Variants in KDM7A observed in about 807,000 individuals in gnomAD.
KDM7A encodes the protein lysine demethylase 7A.
Under a neutral mutation model 114.8 loss-of-function variants are expected in KDM7A, and 28 were observed. That is an observed-to-expected ratio of 0.24 (90% confidence interval 0.18 to 0.33). KDM7A has a LOEUF of 0.33. KDM7A is among the 10% of genes least tolerant of loss of function. KDM7A has a pLI of 1.00. For missense variants in KDM7A, 942 were observed against 1,142.5 expected (o/e 0.82, Z 2.53); for synonymous variants, 423 against 397.8 (o/e 1.06, Z -0.75).
chr7:140,104,752 C>T (rs1818298434), intron 11 of KDM7A, among the ~76,000 whole-genome samples: 1 of 152,142 alleles, frequency 6.6e-6, no homozygotes, highest in Admixed American at 6.5e-5. Flanking sequence ...GTTCTTTTTG[C>T]TTAGGATTGT....
At chr7:140,132,304 T>C (rs779756301) in intron 3 of KDM7A, among the ~76,000 whole-genome samples, 8 of 152,190 alleles carry the variant, frequency 5.3e-5, no homozygotes, top group Non-Finnish European at 8.8e-5. Context: ...CTATAACCCG[T>C]TCTCATTTGT....
At chr7:140,150,091 A>C (rs776389692) in intron 1 of KDM7A, among the ~76,000 whole-genome samples, 7 of 152,236 alleles carry the variant, frequency 4.6e-5, no homozygotes, top group Non-Finnish European at 8.8e-5. Context: ...ACCTCCCTTA[A>C]CACTAAGGAA....
intron 3 of KDM7A, among the ~76,000 whole-genome samples, chr7:140,130,802 T>C (rs1248471058): frequency 6.6e-6 from 1 of 151,654 alleles, no homozygotes; most frequent in East Asian, 1.9e-4. Flanking sequence ...AATGCTCCCA[T>C]TGACAACTAC....
chr7:140,161,734 C>T lies in KDM7A; in HGVS notation c.194+15010G>A, dbSNP rs376544472. Among the ~76,000 whole-genome samples the T allele has an allele frequency of 4.6e-5, 7 of 151,686 alleles. No individual in the cohort carries two copies. The South Asian group carries it at 6.3e-4, about 14-fold the overall frequency. On this transcript the variant is annotated intron_variant, in intron 1 of 19. Transcript: ENST00000397560. Reference sequence around the variant, plus strand: ...TAATTTTTTGTATTTTTAGTAGAGACGGGGTTTCACCGTGTTGGCCAGGAT... The same window carrying T: ...TAATTTTTTGTATTTTTAGTAGAGATGGGGTTTCACCGTGTTGGCCAGGAT...
intron 10 of KDM7A, among the ~76,000 whole-genome samples, chr7:140,112,447 TA>T (rs1319427369): frequency 6.6e-6 from 1 of 152,050 alleles, no homozygotes; most frequent in African/African-American, 2.4e-5. Context: ...TCATTTCTAC[TA>T]AAACATACAA....
intron 11 of KDM7A, among the ~76,000 whole-genome samples, chr7:140,104,392 C>T (rs1438757950): frequency 1.3e-5 from 2 of 152,152 alleles, no homozygotes; most frequent in Non-Finnish European, 2.9e-5. Context: ...ATGCCTATGT[C>T]CTGAATGGTA....
Position 140,094,123 on chromosome 7 carries a change from G to T in KDM7A, c.2390C>A (p.Thr797Asn). The T allele has an allele frequency of 6.3e-7, 1 of 1,590,364 alleles. No individual in the cohort carries two copies. Among genetic ancestry groups the T allele is most frequent in the East Asian group, 2.2e-5 (1 of 44,736 alleles). Residue 797 changes from threonine (T) to asparagine (N), a missense_variant, in exon 18 of 20, where the codon ACT (threonine) becomes AAT (asparagine). Thr to Asn is a moderately conservative substitution (Grantham distance 65). Around this residue, in one of 4 missense-constraint regions of KDM7A, gnomAD observed 512 missense variants for 576.6 expected, o/e 0.89. Transcript: ENST00000397560. ...GGAAGTCCTCAAGTCTGGATCTTCA[G>T]TCTTGACATGGTATCCTAAAGAGAA... ...KPVECGYHVK[T>N]EDPDLRTSSW...
Position 140,129,572 on chromosome 7 carries a change from A to G in KDM7A, c.480T>C (p.Ile160=), listed in dbSNP as rs756830375. ...YLEKHGFDVP[I]MVPKLDDLGL... ...CTAGATCATCTAATTTTGGGACCAT[A>G]ATAGGGACATCAAATCCATGTTTCT... The change falls in exon 4 of 20, where the codon ATT becomes ATC. Residue 160 remains isoleucine, a synonymous_variant. Coordinates refer to ENST00000397560, the MANE Select transcript of KDM7A (RefSeq NM_030647.2). 6.2e-7 allele frequency: 1 copy of G among 1,611,550 alleles called. No individual in the cohort carries two copies. Among genetic ancestry groups the G allele is most frequent in the Non-Finnish European group, 8.5e-7 (1 of 1,177,740 alleles).
intron 4 of KDM7A, among the ~76,000 whole-genome samples, chr7:140,129,006 G>A (rs947428836): frequency 6.6e-5 from 10 of 152,180 alleles, no homozygotes; most frequent in African/African-American, 1.9e-4. Flanking sequence ...TATTCACCAA[G>A]TCATTATTAT....
At chr7:140,096,347 A>G (rs62491380) in intron 17 of KDM7A, among the ~76,000 whole-genome samples, 9,355 of 152,240 alleles carry the variant, frequency 0.061, 366 homozygotes, top group Non-Finnish European at 0.09. Flanking sequence ...AGTGAACACA[A>G]TTGTCAATCC....
chr7:140,131,601 A>G (rs1232160458), intron 3 of KDM7A, among the ~76,000 whole-genome samples: 2 of 152,182 alleles, frequency 1.3e-5, no homozygotes, highest in African/African-American at 2.4e-5. Context: ...TCATCTACTG[A>G]ACTGGAGCTC....
chr7:140,124,881 T>C (rs1290181292), intron 6 of KDM7A, 98 bp from the exon 7 acceptor site: 1 of 705,200 alleles, frequency 1.4e-6, no homozygotes, highest in Non-Finnish European at 2.3e-6. Flanking sequence ...CAAATTAAAT[T>C]GGATAATTAT....
chr7:140,156,085 A>G (rs746969250), intron 1 of KDM7A, among the ~76,000 whole-genome samples: 10 of 152,210 alleles, frequency 6.6e-5, no homozygotes, highest in Non-Finnish European at 1.5e-4. Context: ...GGAGGTTTCT[A>G]GTGTTTTGAA....
intron 18 of KDM7A, 136 bp from the exon 19 acceptor site, chr7:140,092,213 C>T (rs1198681134): frequency 2.9e-5 from 22 of 748,376 alleles, no homozygotes; most frequent in Non-Finnish European, 1.3e-5. Context: ...CTATTAGCCA[C>T]GGATGACCAC....
At chr7:140,167,068 A>C (rs78324414) in intron 1 of KDM7A, among the ~76,000 whole-genome samples, 3 of 152,196 alleles carry the variant, frequency 2.0e-5, no homozygotes, top group African/African-American at 7.2e-5. Context: ...CTATACAAAG[A>C]AAAATTAAAA....
chr7:140,098,921 C>T lies in KDM7A; in HGVS notation c.1876G>A (p.Val626Ile), dbSNP rs772785715. 7.4e-6 allele frequency: 12 copies of T among 1,613,586 alleles called. No individual in the cohort carries two copies. The South Asian group carries it at 1.3e-4, about 18-fold the overall frequency. Residue 626 changes from valine (V) to isoleucine (I), a missense_variant, in exon 14 of 20, where the codon GTA becomes ATA. By Grantham distance (29) the Val-to-Ile change is conservative (BLOSUM62 3). This residue lies in a region of KDM7A where 512 missense variants were observed against 576.6 expected (regional missense o/e 0.89). Transcript: ENST00000397560. ...GATTCTTCATGTTCCACTCCCTCTA[C>T]TCCTGAACTCTCTTCTATCTTCATT... ...AKMKIEESSG[V>I]EGVEHEESQK...
chr7:140,164,455 T>A (rs936763607), intron 1 of KDM7A, among the ~76,000 whole-genome samples: 12 of 152,180 alleles, frequency 7.9e-5, no homozygotes, highest in Admixed American at 5.2e-4. Context: ...AAATCAAAAA[T>A]GTCTCTAGAC....
intron 1 of KDM7A, among the ~76,000 whole-genome samples, chr7:140,161,630 C>T (rs956431413): frequency 6.6e-6 from 1 of 151,914 alleles, no homozygotes; most frequent in African/African-American, 2.4e-5. Context: ...TCACTGCAAC[C>T]TCTGCCTCCC....
intron 9 of KDM7A, among the ~76,000 whole-genome samples, chr7:140,116,392 A>G (rs1818530342): frequency 6.6e-6 from 1 of 152,234 alleles, no homozygotes; most frequent in African/African-American, 2.4e-5. Context: ...AGAGAATACC[A>G]GTATGAATTT....
Sources: allele counts gnomAD v4.1 joint callset (sites outside exome capture counted in the v4.1 genomes callset), GRCh38; gene constraint gnomAD v4.1.1; regional missense constraint gnomAD v4.1.1; transcripts MANE v1.5; gene names NCBI Gene and HGNC (gene_info 2026-07-23, HGNC 2026-07-21).